Variants in LAMC1 observed in about 807,000 individuals in gnomAD.
LAMC1 encodes the protein laminin subunit gamma-1.
Under a neutral mutation model 173.6 loss-of-function variants are expected in LAMC1, and 38 were observed. The ratio of observed to expected loss-of-function variants is 0.22; its 90% confidence interval spans 0.17 to 0.29. The LOEUF is 0.29. LAMC1 is among the 10% of genes least tolerant of loss of function. The pLI is 1.00. For synonymous variants in LAMC1, 746 were observed against 749.1 expected, an observed-to-expected ratio of 1.00 and a Z score of 0.07; for missense variants, 1,824 against 2,051.8, an observed-to-expected ratio of 0.89 and a Z score of 2.14.
At chr1:183,128,814 A>C (rs1369384087) in intron 18 of LAMC1, 64 bp downstream of exon 18, 3 of 1,271,502 alleles carry the variant, frequency 2.4e-6, no homozygotes, top group Non-Finnish European at 3.2e-6. Flanking sequence ...GTGGCTCCTA[A>C]AGCAAGGTTA....
chr1:183,109,502 G>A (rs1252569364), intron 3 of LAMC1, among the ~76,000 whole-genome samples: 3 of 152,134 alleles, frequency 2.0e-5, no homozygotes. Context: ...AGAATGGTTG[G>A]TACCATTAAC....
Position 183,118,078 on chromosome 1 carries a change from C to G in LAMC1, c.1922C>G (p.Pro641Arg). 1 of 1,613,782 alleles carries G rather than the reference C, an allele frequency of 6.2e-7. No individual in the cohort carries two copies. Among genetic ancestry groups the G allele is most frequent in the Non-Finnish European group, 8.5e-7 (1 of 1,179,728 alleles). The change falls in exon 11 of 28, where the codon CCT (proline) becomes CGT (arginine). Residue 641 changes from proline (P) to arginine (R), a missense_variant. By Grantham distance (103) the Pro-to-Arg change is moderately radical. Coordinates refer to ENST00000258341, the MANE Select transcript of LAMC1 (RefSeq NM_002293.4). ...TACCCTTGGAGGCCTGCTCTTACCC[C>G]TTTTGAATTTCAGAAGCTCCTAAAC... ...TDYPWRPALTPFEFQKLLNNL... is the reference protein window; with the variant it reads ...TDYPWRPALTRFEFQKLLNNL...
Position 183,117,733 on chromosome 1 carries a change from C to T in LAMC1, c.1877+10C>T, listed in dbSNP as rs774766901. The T allele has an allele frequency of 6.2e-7, 1 of 1,604,772 alleles. No homozygotes were observed. The highest frequency in any genetic ancestry group is 1.3e-5 in the African/African-American group (1 of 74,714). ...TGAAGTATGTCTTCAGGTAAGATAG[C>T]CTTCTTTGTAAAGTGAGACTTGACG... On this transcript the variant is annotated intron_variant, in intron 10 of 27. Transcript: ENST00000258341.
intron 1 of LAMC1, among the ~76,000 whole-genome samples, chr1:183,030,646 A>G (rs1653827009): frequency 6.6e-6 from 1 of 152,204 alleles, no homozygotes. Context: ...TTAAAAAAGT[A>G]CTAAGGTATG....
Position 183,126,191 on chromosome 1 carries a change from C to T in LAMC1, c.2873C>T (p.Pro958Leu), listed in dbSNP as rs772851203. 1 of 1,614,180 alleles carries T rather than the reference C, an allele frequency of 6.2e-7. No homozygotes were observed. Among genetic ancestry groups the T allele is most frequent in the Admixed American group, 1.7e-5 (1 of 60,024 alleles). The change falls in exon 16 of 28, where the codon CCC becomes CTC. Residue 958 changes from proline (P) to leucine (L), a missense_variant. Physicochemically the swap from Pro to Leu is moderately conservative, Grantham distance 98. Coordinates refer to ENST00000258341, the MANE Select transcript of LAMC1 (RefSeq NM_002293.4). ...DIRTGQCECQ[P>L]GITGQHCERC... ...CGCACCGGCCAGTGTGAGTGCCAGC[C>T]CGGCATCACTGGTCAGCACTGTGAG...
rs1310274701 is a variant in LAMC1 at position 183,110,799 on chromosome 1, A to T, written c.1021+145A>T. The T allele has an allele frequency of 6.0e-6, 5 of 836,906 alleles. No individual in the cohort carries two copies. The Admixed American group carries it at 1.2e-4, about 21-fold the overall frequency. 51.8% of individuals were successfully genotyped at this position (836,906 alleles called of 1,614,324 possible). ...GTGTAATTTGAGTAGTATTCAAGTC[A>T]GAGGAAAGTCATAGATGAGGGCAAT... is the stretch of plus-strand genomic sequence containing the variant. On this transcript the variant is annotated intron_variant, in intron 4 of 27. Coordinates refer to ENST00000258341, the MANE Select transcript of LAMC1 (RefSeq NM_002293.4).
intron 11 of LAMC1, among the ~76,000 whole-genome samples, chr1:183,120,196 C>T (rs1571453828): frequency 9.5e-6 from 1 of 105,506 alleles, no homozygotes. Flanking sequence ...AAAAAGGTGG[C>T]GGGGTGGTGT....
rs954928727 is a variant in LAMC1, at chr1:183,114,835, GT to G, written c.1210+117del. The G allele has an allele frequency of 1.4e-5, 14 of 983,504 alleles. No homozygotes were observed. The Admixed American group carries it at 3.4e-4, about 24-fold the overall frequency. 60.9% of individuals were successfully genotyped at this position (983,504 alleles called of 1,614,324 possible). A position where few individuals can be genotyped will look rare whatever the true frequency, so the allele number is the denominator to read the frequency against. ...TAAATGTGGAGATGTATACATTATT[GT>G]AACACAGAAATCAGTCAAGATCTGT... On this transcript the variant is annotated intron_variant, in intron 5 of 27. Transcript: ENST00000258341.
chr1:183,066,939 A>G (rs1206838321), intron 1 of LAMC1, among the ~76,000 whole-genome samples: 8 of 152,168 alleles, frequency 5.3e-5, no homozygotes, highest in Admixed American at 4.6e-4. Flanking sequence ...CATTCTGCAC[A>G]TGTATCTGAG....
At chr1:183,125,368 C>G (rs773569240) in intron 14 of LAMC1, 29 bp from the exon 15 acceptor site, 1 of 1,611,390 alleles carries the variant, frequency 6.2e-7, no homozygotes, top group East Asian at 2.2e-5. Context: ...TGATTTGTGT[C>G]TTTTGCCATC....
chr1:183,103,291 C>A, intron 1 of LAMC1, 37 bp from the exon 2 acceptor site: 2 of 1,577,720 alleles, frequency 1.3e-6, no homozygotes, highest in South Asian at 1.2e-5. Flanking sequence ...TTGCTTCATA[C>A]GTATGATTTA....
At chr1:183,110,426 C>T in intron 3 of LAMC1, 62 bp from the exon 4 acceptor site, 1 of 1,310,570 alleles carries the variant, frequency 7.6e-7, no homozygotes, top group South Asian at 1.4e-5. Flanking sequence ...CATAGTTTTT[C>T]TGTGTGCATT....
At chr1:183,101,653 G>A (rs781129250) in intron 1 of LAMC1, among the ~76,000 whole-genome samples, 7 of 151,386 alleles carry the variant, frequency 4.6e-5, no homozygotes, top group Non-Finnish European at 1.0e-4. Context: ...TCTTGAAGTC[G>A]GTGGGGCAGG....
intron 1 of LAMC1, among the ~76,000 whole-genome samples, chr1:183,033,303 A>G (rs958771313): frequency 1.1e-4 from 16 of 152,202 alleles, no homozygotes; most frequent in Non-Finnish European, 2.9e-5. Context: ...CCTCTCATAC[A>G]ATCAAGCTTG....
chr1:183,054,388 C>T (rs1381355694), intron 1 of LAMC1, among the ~76,000 whole-genome samples: 1 of 152,174 alleles, frequency 6.6e-6, no homozygotes, highest in Non-Finnish European at 1.5e-5. Context: ...TCACACTGTG[C>T]TCTGCCTCAG....
chr1:183,140,179 C>G (rs779397122), intron 26 of LAMC1, among the ~76,000 whole-genome samples: 17 of 133,190 alleles, frequency 1.3e-4, no homozygotes, highest in Non-Finnish European at 2.5e-4. Flanking sequence ...TCCTGACTGC[C>G]TAGTCATAAC....
At chr1:183,094,222 T>A (rs1030918484) in intron 1 of LAMC1, among the ~76,000 whole-genome samples, 4 of 152,118 alleles carry the variant, frequency 2.6e-5, no homozygotes, top group South Asian at 2.1e-4. Flanking sequence ...CACTTGCCAT[T>A]CCTGGAATGC....
chr1:183,104,406 G>A (rs1655913331), intron 2 of LAMC1, among the ~76,000 whole-genome samples: 1 of 152,130 alleles, frequency 6.6e-6, no homozygotes, highest in Non-Finnish European at 1.5e-5. Flanking sequence ...TTTGATTATG[G>A]AAAAGCTGGT....
At position 183,142,838 on chromosome 1, in the gene LAMC1, T is replaced by C. The variant is rs1446455949; in HGVS notation, c.*48T>C. The C allele has an allele frequency of 1.3e-6, 2 of 1,556,906 alleles. No homozygotes were observed. The highest frequency in any genetic ancestry group is 1.7e-6 in the Non-Finnish European group (2 of 1,152,396). On this transcript the variant is annotated 3_prime_UTR_variant, in exon 28 of 28. Coordinates refer to ENST00000258341, the MANE Select transcript of LAMC1 (RefSeq NM_002293.4). ...CATCCCTCTGACAGGGGGGCAGTTG[T>C]GAGGCCACAGAGTGCCTTGACACAA...
Sources: allele counts gnomAD v4.1 joint callset (sites outside exome capture counted in the v4.1 genomes callset), GRCh38; gene constraint gnomAD v4.1.1; transcripts MANE v1.5; gene names NCBI Gene and HGNC (gene_info 2026-07-23, HGNC 2026-07-21).